TANC2: variants seen among roughly 807,000 people sequenced by gnomAD.
The protein encoded by TANC2 is protein TANC2.
In TANC2, 26 loss-of-function variants were observed where a neutral mutation model predicts 210.5. That is an observed-to-expected ratio of 0.12 (90% CI 0.09 to 0.17). The LOEUF is 0.17. Among genes scored for constraint, TANC2 ranks in the 10% least tolerant of loss-of-function variants. The pLI is 1.00. For missense variants in TANC2, 2,129 were observed against 2,608.9 expected (o/e 0.82, Z 4.01); for synonymous variants, 931 against 967.1 (o/e 0.96, Z 0.69).
intron 2 of TANC2, among the ~76,000 whole-genome samples, chr17:63,058,022 A>G (rs893519423): frequency 6.6e-6 from 1 of 152,224 alleles, no homozygotes; most frequent in African/African-American, 2.4e-5. Context: ...TGCTTTCCAC[A>G]ATAAGTGAAC....
At chr17:63,268,326 C>T (rs1460530920) in intron 9 of TANC2, among the ~76,000 whole-genome samples, 1 of 152,178 alleles carries the variant, frequency 6.6e-6, no homozygotes, top group Non-Finnish European at 1.5e-5. Flanking sequence ...TGAGTGCCAA[C>T]ATGACACCAC....
intron 8 of TANC2, among the ~76,000 whole-genome samples, chr17:63,251,416 TAGA>T (rs2043050347): frequency 6.6e-6 from 1 of 152,114 alleles, no homozygotes; most frequent in South Asian, 2.1e-4. Flanking sequence ...TAGGTACAAC[TAGA>T]AGAACAAAGG....
chr17:63,361,708 G>A (rs1476049856), intron 14 of TANC2, among the ~76,000 whole-genome samples: 1 of 152,182 alleles, frequency 6.6e-6, no homozygotes. Flanking sequence ...CGAGCAGTGG[G>A]GCATGTTTCA....
intron 17 of TANC2, chr17:63,391,558 A>G (rs999425504): frequency 6.6e-6 from 1 of 152,134 alleles, no homozygotes; most frequent in Non-Finnish European, 1.5e-5. Flanking sequence ...TTAATCTTAT[A>G]TAGTGCCTAA....
intron 19 of TANC2, among the ~76,000 whole-genome samples, chr17:63,401,085 A>G (rs1233015360): frequency 2.0e-5 from 3 of 152,208 alleles, no homozygotes; most frequent in Non-Finnish European, 2.9e-5. Flanking sequence ...TGTTCTATCT[A>G]CTGTGATGGT....
At chr17:63,370,979 A>G (rs906370626) in intron 14 of TANC2, among the ~76,000 whole-genome samples, 9 of 152,218 alleles carry the variant, frequency 5.9e-5, no homozygotes, top group African/African-American at 2.2e-4. Context: ...GCCGCCAGCC[A>G]TCTCTGCCTC....
chr17:63,136,460 A>G (rs1468536972), intron 4 of TANC2, among the ~76,000 whole-genome samples: 1 of 152,322 alleles, frequency 6.6e-6, no homozygotes, highest in South Asian at 2.1e-4. Flanking sequence ...ACATGAACAG[A>G]TCACTTATAC....
chr17:63,271,568 G>C (rs1432397623), intron 9 of TANC2, among the ~76,000 whole-genome samples: 4 of 151,268 alleles, frequency 2.6e-5, no homozygotes, highest in African/African-American at 4.9e-5. Context: ...TTTAAGCCCC[G>C]CATGGATTAG....
chr17:62,978,916 C>G (rs1264817450), intron 1 of TANC2: 1 of 152,024 alleles, frequency 6.6e-6, no homozygotes, highest in Non-Finnish European at 1.5e-5. Context: ...TCAATAGATG[C>G]CAGCAAAGCA....
intron 1 of TANC2, among the ~76,000 whole-genome samples, chr17:62,982,001 C>T (rs2032327709): frequency 6.6e-6 from 1 of 152,180 alleles, no homozygotes; most frequent in Non-Finnish European, 1.5e-5. Context: ...TACACAGTGT[C>T]CACAATCTTC....
intron 11 of TANC2, among the ~76,000 whole-genome samples, chr17:63,325,457 T>A (rs1266923644): frequency 3.9e-5 from 6 of 152,192 alleles, no homozygotes; most frequent in Non-Finnish European, 5.9e-5. Context: ...CTAAAAAAGC[T>A]TTCTCTGGCT....
rs746738452 is a variant in TANC2, at chr17:63,314,452, C to T, written c.1224C>T (p.Ser408=). 55 of 1,613,804 alleles carry T rather than the reference C, an allele frequency of 3.4e-5. No homozygotes were observed. The African/African-American group carries it at 6.4e-4, about 19-fold the overall frequency. The change falls in exon 10 of 28, where the codon AGC becomes AGT. Residue 408 remains serine, a synonymous_variant. Coordinates refer to ENST00000689528, the Ensembl canonical transcript of TANC2. ...AGCCTCTGCTCTTTGAAGTGCCCAG[C>T]ATCACTACAGAGTCAGTGTTTGTTG...
At chr17:63,158,247 A>T (rs1266369242) in intron 5 of TANC2, among the ~76,000 whole-genome samples, 1 of 152,194 alleles carries the variant, frequency 6.6e-6, no homozygotes, top group African/African-American at 2.4e-5. Context: ...TAAAATGAAG[A>T]TAGTAATATC....
intron 3 of TANC2, among the ~76,000 whole-genome samples, chr17:63,081,085 G>T (rs1326474853): frequency 6.6e-6 from 1 of 152,048 alleles, no homozygotes; most frequent in African/African-American, 2.4e-5. Context: ...ATAATATTTG[G>T]AAGATCTGAG....
intron 7 of TANC2, among the ~76,000 whole-genome samples, chr17:63,225,913 G>A (rs1315700877): frequency 1.3e-5 from 2 of 152,112 alleles, no homozygotes; most frequent in African/African-American, 2.4e-5. Context: ...TATTTTGAAT[G>A]TAGGTAACAA....
chr17:63,273,141 T>A (rs1338197172), intron 9 of TANC2, among the ~76,000 whole-genome samples: 1 of 151,936 alleles, frequency 6.6e-6, no homozygotes, highest in African/African-American at 2.4e-5. Context: ...CAAAAAAATT[T>A]AAAAATTAGC....
intron 15 of TANC2, 100 bp from the exon 16 acceptor site, chr17:63,388,535 C>T: frequency 7.9e-7 from 1 of 1,266,756 alleles, no homozygotes. Flanking sequence ...AGACTCCGCT[C>T]TCATTCATTA....
intron 19 of TANC2, among the ~76,000 whole-genome samples, chr17:63,403,508 G>A (rs1421916803): frequency 2.6e-5 from 4 of 152,086 alleles, no homozygotes; most frequent in Non-Finnish European, 5.9e-5. Context: ...ATGAACTTGA[G>A]AAAGAGGGAG....
At chr17:63,069,001 G>A (rs922955679) in intron 2 of TANC2, among the ~76,000 whole-genome samples, 1 of 152,014 alleles carries the variant, frequency 6.6e-6, no homozygotes, top group Non-Finnish European at 1.5e-5. Flanking sequence ...AAACTGTATT[G>A]GAGAACTGTA....
Sources: allele counts gnomAD v4.1 joint callset (sites outside exome capture counted in the v4.1 genomes callset), GRCh38; gene constraint gnomAD v4.1.1; transcripts MANE v1.5; gene names NCBI Gene and HGNC (gene_info 2026-07-23, HGNC 2026-07-21).